ERBB4: variants seen among roughly 807,000 people sequenced by gnomAD.
ERBB4 encodes the protein receptor tyrosine-protein kinase erbB-4.
Under a neutral mutation model 158.0 loss-of-function variants are expected in ERBB4, and 42 were observed. The ratio of observed to expected loss-of-function variants is 0.27; its 90% CI spans 0.21 to 0.34. ERBB4 has a LOEUF of 0.34. Ranked by LOEUF, ERBB4 falls within the 10% of genes least tolerant of loss-of-function variation. The pLI is 1.00. For missense variants in ERBB4, 1,333 were observed against 1,624.1 expected (o/e 0.82, Z 3.08); for synonymous variants, 583 against 558.7 (o/e 1.04, Z -0.61).
At chr2:211,630,925 T>C (rs532483909) in intron 16 of ERBB4, among the ~76,000 whole-genome samples, 1 of 152,296 alleles carries the variant, frequency 6.6e-6, no homozygotes, top group Non-Finnish European at 1.5e-5. Context: ...TGTTGGCGCA[T>C]TTAATATTTT....
At chr2:212,044,755 A>C (rs939605553) in intron 2 of ERBB4, among the ~76,000 whole-genome samples, 1 of 152,174 alleles carries the variant, frequency 6.6e-6, no homozygotes, top group South Asian at 2.1e-4. Context: ...TGATACCCTT[A>C]TAGTTCAGGG....
intron 20 of ERBB4, among the ~76,000 whole-genome samples, chr2:211,501,506 C>A (rs945598416): frequency 2.1e-5 from 3 of 139,776 alleles, no homozygotes; most frequent in Non-Finnish European, 3.0e-5. Context: ...TTAAAAAAAA[C>A]AGCATAAATC....
At chr2:212,387,624 G>C (rs982650883) in intron 1 of ERBB4, among the ~76,000 whole-genome samples, 12 of 151,986 alleles carry the variant, frequency 7.9e-5, no homozygotes, top group African/African-American at 2.7e-4. Flanking sequence ...TGTCATTTTG[G>C]TCAGGCTTGG....
chr2:212,223,434 T>C (rs2083372071), intron 1 of ERBB4, among the ~76,000 whole-genome samples: 1 of 147,714 alleles, frequency 6.8e-6, no homozygotes, highest in Admixed American at 6.8e-5. Flanking sequence ...TATATTTTTT[T>C]TATTTATATA....
At chr2:212,433,328 TTC>T (rs1357332202) in intron 1 of ERBB4, among the ~76,000 whole-genome samples, 1 of 152,050 alleles carries the variant, frequency 6.6e-6, no homozygotes, top group African/African-American at 2.4e-5. Context: ...AGAGAAAATT[TTC>T]TTTTTACCTT....
intron 5 of ERBB4, among the ~76,000 whole-genome samples, chr2:211,736,997 T>C (rs2074622636): frequency 6.6e-6 from 1 of 152,186 alleles, no homozygotes; most frequent in African/African-American, 2.4e-5. Context: ...CATGTCGCGA[T>C]AAAGAGGGTA....
intron 20 of ERBB4, among the ~76,000 whole-genome samples, chr2:211,551,126 T>C (rs1383867896): frequency 6.6e-6 from 1 of 152,156 alleles, no homozygotes; most frequent in Non-Finnish European, 1.5e-5. Context: ...GACTTGTCCA[T>C]ATTTCTGAGT....
intron 12 of ERBB4, among the ~76,000 whole-genome samples, chr2:211,686,198 C>A (rs187339624): frequency 6.6e-6 from 1 of 152,176 alleles, no homozygotes; most frequent in Admixed American, 6.5e-5. Context: ...AGTGCAAAAG[C>A]CTTCAGCTTT....
At chr2:211,433,721 G>A (rs1289825089) in intron 20 of ERBB4, among the ~76,000 whole-genome samples, 1 of 152,186 alleles carries the variant, frequency 6.6e-6, no homozygotes, top group Non-Finnish European at 1.5e-5. Flanking sequence ...CAGAAGCAAG[G>A]TGATGTAAAA....
intron 3 of ERBB4, among the ~76,000 whole-genome samples, chr2:211,889,490 G>A (rs1023888562): frequency 1.6e-4 from 25 of 151,760 alleles, no homozygotes; most frequent in African/African-American, 2.2e-4. Flanking sequence ...AATGCAGAGC[G>A]CCTCTCCTCC....
At chr2:211,455,822 C>T (rs913946072) in intron 20 of ERBB4, among the ~76,000 whole-genome samples, 4 of 152,284 alleles carry the variant, frequency 2.6e-5, no homozygotes, top group African/African-American at 9.6e-5. Flanking sequence ...AAATGCTCCA[C>T]AATTTATACC....
chr2:212,252,439 A>G (rs1173223607), intron 1 of ERBB4, among the ~76,000 whole-genome samples: 1 of 151,820 alleles, frequency 6.6e-6, no homozygotes, highest in Non-Finnish European at 1.5e-5. Flanking sequence ...AACGAAGACT[A>G]AAACTAAAAT....
intron 4 of ERBB4, chr2:211,778,713 C>G (rs2075958552): frequency 6.6e-6 from 1 of 152,232 alleles, no homozygotes; most frequent in Admixed American, 6.5e-5. Flanking sequence ...TCTTCTCGCT[C>G]CACTTGGCAG....
chr2:212,535,278 C>T (rs1039189316), intron 1 of ERBB4, among the ~76,000 whole-genome samples: 1 of 151,846 alleles, frequency 6.6e-6, no homozygotes, highest in Non-Finnish European at 1.5e-5. Flanking sequence ...AAAAAGAAAA[C>T]ATTGTACCGA....
chr2:211,980,181 A>G (rs757769590), intron 2 of ERBB4, among the ~76,000 whole-genome samples: 1 of 152,180 alleles, frequency 6.6e-6, no homozygotes, highest in Non-Finnish European at 1.5e-5. Context: ...AGAAAAAGAC[A>G]TATGACTAAC....
intron 20 of ERBB4, among the ~76,000 whole-genome samples, chr2:211,433,954 G>A (rs755731217): frequency 1.5e-4 from 23 of 152,120 alleles, no homozygotes; most frequent in Non-Finnish European, 2.6e-4. Context: ...ACGTGTAAGA[G>A]TATCTGAACC....
intron 1 of ERBB4, among the ~76,000 whole-genome samples, chr2:212,348,449 G>A (rs929874449): frequency 2.0e-5 from 3 of 152,036 alleles, no homozygotes; most frequent in African/African-American, 7.2e-5. Context: ...AGGGATTAGT[G>A]TTATTACTTA....
intron 3 of ERBB4, among the ~76,000 whole-genome samples, chr2:211,817,039 G>A (rs1018955885): frequency 6.6e-6 from 1 of 152,188 alleles, no homozygotes. Context: ...CATTCAGCCT[G>A]CCTGGATAAT....
chr2:211,665,661 A>G (rs2071604542), intron 14 of ERBB4, among the ~76,000 whole-genome samples, 184 bp from the exon 15 acceptor site: 1 of 152,208 alleles, frequency 6.6e-6, no homozygotes, highest in Admixed American at 6.5e-5. Flanking sequence ...TGCAAAGAAG[A>G]TCCATCAAGT....
Sources: gnomAD v4.1 joint callset for allele counts (sites outside exome capture counted in the v4.1 genomes callset) on GRCh38, gnomAD v4.1.1 for gene constraint, MANE v1.5 for transcripts, NCBI Gene and HGNC (gene_info 2026-07-23, HGNC 2026-07-21) for gene names.